SFSWAP: variants seen among roughly 807,000 people sequenced by gnomAD.
The protein encoded by SFSWAP is splicing factor, suppressor of white-apricot homolog.
In SFSWAP, 17 loss-of-function variants were observed where a neutral mutation model predicts 100.7. That is an observed-to-expected ratio of 0.17 (90% CI 0.12 to 0.25). SFSWAP has a LOEUF of 0.25. SFSWAP is among the 10% of genes least tolerant of loss of function. The probability of loss-of-function intolerance (pLI) is 1.00; values close to 1 mark genes in which losing one functional copy is unlikely to be tolerated. For synonymous variants in SFSWAP, 504 were observed against 510.1 expected, an observed-to-expected ratio of 0.99 and a Z score of 0.16; for missense variants, 1,005 against 1,262.6, an observed-to-expected ratio of 0.80 and a Z score of 3.09.
intron 13 of SFSWAP, among the ~76,000 whole-genome samples, chr12:131,767,886 A>G (rs1007797795): frequency 3.9e-5 from 6 of 152,206 alleles, no homozygotes; most frequent in African/African-American, 1.2e-4. Flanking sequence ...CCTGTTAGCT[A>G]CTATGCTCAC....
chr12:131,788,179 G>A (rs1438406771), intron 15 of SFSWAP, among the ~76,000 whole-genome samples: 1 of 152,204 alleles, frequency 6.6e-6, no homozygotes, highest in African/African-American at 2.4e-5. Context: ...GAGAGACCTC[G>A]TGTGAGCAAG....
At chr12:131,761,534 A>G (rs537832011) in intron 11 of SFSWAP, among the ~76,000 whole-genome samples, 3 of 152,330 alleles carry the variant, frequency 2.0e-5, no homozygotes, top group Non-Finnish European at 4.4e-5. Flanking sequence ...AAGAGCAGGC[A>G]GCTCTCAGGC....
At chr12:131,788,478 C>T (rs533009480) in intron 15 of SFSWAP, among the ~76,000 whole-genome samples, 85 of 151,894 alleles carry the variant, frequency 5.6e-4, no homozygotes, top group African/African-American at 2.0e-3. Context: ...TACAAGCCCC[C>T]AGTTAGTCTA....
intron 15 of SFSWAP, among the ~76,000 whole-genome samples, chr12:131,787,461 CT>C (rs1167952598): frequency 6.6e-6 from 1 of 152,200 alleles, no homozygotes; most frequent in African/African-American, 2.4e-5. Flanking sequence ...CATTTCCACT[CT>C]TTCCAAGCAC....
chr12:131,732,909 G>C (rs1318369312), intron 7 of SFSWAP, among the ~76,000 whole-genome samples: 1 of 151,952 alleles, frequency 6.6e-6, no homozygotes, highest in Non-Finnish European at 1.5e-5. Context: ...GAGACTCTCA[G>C]TTGGGGCAAA....
intron 13 of SFSWAP, among the ~76,000 whole-genome samples, chr12:131,774,114 T>C (rs1286552645): frequency 6.6e-6 from 1 of 151,942 alleles, no homozygotes; most frequent in African/African-American, 2.4e-5. Context: ...GCTGAGACAG[T>C]GTGGCTGCGG....
At chr12:131,758,957 C>T (rs529279246) in intron 11 of SFSWAP, among the ~76,000 whole-genome samples, 1 of 152,236 alleles carries the variant, frequency 6.6e-6, no homozygotes, top group African/African-American at 2.4e-5. Flanking sequence ...CATGGTGGCA[C>T]CCATCTGTGC....
intron 4 of SFSWAP, among the ~76,000 whole-genome samples, chr12:131,720,997 G>C (rs770422254): frequency 6.6e-6 from 1 of 152,166 alleles, no homozygotes; most frequent in Non-Finnish European, 1.5e-5. Flanking sequence ...TCTGCTTCTG[G>C]GGAGGCCTCA....
At position 131,711,188 on chromosome 12, in the gene SFSWAP, G is replaced by C. The variant is rs755094006; in HGVS notation, c.-42G>C. The C allele has an allele frequency of 4.2e-5, 63 of 1,489,264 alleles. No homozygotes were observed. In the South Asian group the frequency reaches 7.6e-4, roughly 18 times the overall value. 92.3% of individuals were successfully genotyped at this position (1,489,264 alleles called of 1,614,324 possible). ...CAAGTGGAGGTATCAGGGACGTCGC[G>C]CGGCACAGAAGAGGACCAGCCTGGA... On this transcript the variant is annotated 5_prime_UTR_variant, in exon 1 of 18. Transcript: ENST00000261674. The surrounding 1 kb of genome is among the most constrained non-coding windows in gnomAD (Gnocchi z 4.9).
At chr12:131,771,159 T>A (rs1248290788) in intron 13 of SFSWAP, among the ~76,000 whole-genome samples, 1 of 152,200 alleles carries the variant, frequency 6.6e-6, no homozygotes, top group African/African-American at 2.4e-5. Context: ...TCATAGGGGA[T>A]CATACCCTAC....
chr12:131,762,446 A>G (rs886602495), intron 11 of SFSWAP, among the ~76,000 whole-genome samples: 2 of 152,158 alleles, frequency 1.3e-5, no homozygotes, highest in Non-Finnish European at 2.9e-5. Context: ...TGAAATAAGC[A>G]TTGCTAGAAG....
intron 11 of SFSWAP, among the ~76,000 whole-genome samples, chr12:131,760,965 A>C (rs1191948796): frequency 6.6e-6 from 1 of 152,178 alleles, no homozygotes; most frequent in Admixed American, 6.5e-5. Context: ...CCAGCTAATC[A>C]GGAGGCTGAG....
chr12:131,791,864 T>C (rs1885251183), intron 15 of SFSWAP, among the ~76,000 whole-genome samples: 1 of 152,262 alleles, frequency 6.6e-6, no homozygotes, highest in Non-Finnish European at 1.5e-5. Flanking sequence ...GATTCTGTGT[T>C]TGGGGGAGGG....
chr12:131,749,842 G>T (rs747696387), intron 7 of SFSWAP, among the ~76,000 whole-genome samples: 2 of 152,234 alleles, frequency 1.3e-5, no homozygotes, highest in African/African-American at 4.8e-5. Flanking sequence ...TCCTAGTGGC[G>T]CAGGAGTTGC....
At position 131,714,310 on chromosome 12, in the gene SFSWAP, C is replaced by T. The variant is rs1232418957; in HGVS notation, c.388+70C>T. The T allele has an allele frequency of 7.5e-7, 1 of 1,335,442 alleles. No homozygotes were observed. The highest frequency in any genetic ancestry group is 1.0e-6 in the Non-Finnish European group (1 of 969,368). The allele number at this position is 1,335,442 out of a possible 1,614,324, so 82.7% of individuals were successfully genotyped here. A position where few individuals can be genotyped will look rare whatever the true frequency, so the allele number is the denominator to read the frequency against. On this transcript the variant is annotated intron_variant, in intron 2 of 17. Coordinates refer to ENST00000261674, the MANE Select transcript of SFSWAP (RefSeq NM_004592.4). This position sits in a 1 kb window ranked among gnomAD's most constrained non-coding sequence, Gnocchi z 6.0. ...TTTTTAAGTATTTAAAAATTTACTC[C>T]CATTCATTTTTTTATACTCACTCTT...
chr12:131,792,487 T>C (rs560563421), intron 15 of SFSWAP, among the ~76,000 whole-genome samples: 2 of 146,288 alleles, frequency 1.4e-5, no homozygotes, highest in African/African-American at 5.1e-5. Context: ...CCCGTGTGTG[T>C]TCACAGACCA....
chr12:131,714,118 A>G lies in SFSWAP; in HGVS notation c.266A>G (p.Glu89Gly). ...CATGACCTTTCTGAGTACGATGCTG[A>G]GTATTCCACGTGGAACAGAGATTAT... ...HLHDLSEYDA[E>G]YSTWNRDYQL... The change falls in exon 2 of 18, where the codon GAG becomes GGG. Residue 89 changes from glutamate (E) to glycine (G), a missense_variant. This residue lies in a region of SFSWAP where 237 missense variants were observed against 337.0 expected (regional missense o/e 0.70). Transcript: ENST00000261674. This position sits in a 1 kb window ranked among gnomAD's most constrained non-coding sequence, Gnocchi z 6.0. The G allele has an allele frequency of 1.9e-6, 3 of 1,614,038 alleles. No individual in the cohort carries two copies. Among genetic ancestry groups the G allele is most frequent in the Non-Finnish European group, 2.5e-6 (3 of 1,179,972 alleles).
chr12:131,754,172 A>T (rs1337006428), intron 8 of SFSWAP, among the ~76,000 whole-genome samples, 196 bp from the exon 9 acceptor site: 6 of 152,120 alleles, frequency 3.9e-5, no homozygotes, highest in African/African-American at 1.2e-4. Flanking sequence ...CCCATTTTTC[A>T]CTCTTGACAA....
In SFSWAP at chr12:131,794,398, G is replaced by A. The variant is rs1396251683; in HGVS notation, c.2535-2780G>A. ...TAAAAAAAAAAAAAATTAGCCATTT[G>A]TGGTGGCGTCTGCCTGTCGTCCCAG... On this transcript the variant is annotated intron_variant, in intron 15 of 17. Coordinates refer to ENST00000261674, the MANE Select transcript of SFSWAP (RefSeq NM_004592.4). This position sits in a 1 kb window ranked among gnomAD's most constrained non-coding sequence, Gnocchi z 4.8. Among the ~76,000 whole-genome samples the A allele has an allele frequency of 1.3e-5, 2 of 150,616 alleles. No homozygotes were observed. The highest frequency in any genetic ancestry group is 3.9e-4 in the East Asian group (2 of 5,140).
Sources: allele counts gnomAD v4.1 joint callset (sites outside exome capture counted in the v4.1 genomes callset), GRCh38; gene constraint gnomAD v4.1.1; regional missense constraint gnomAD v4.1.1; non-coding constraint Gnocchi (gnomAD v3.1); transcripts MANE v1.5; gene names NCBI Gene and HGNC (gene_info 2026-07-23, HGNC 2026-07-21).